Variants in FBN2 observed in about 807,000 individuals in gnomAD.
The protein encoded by FBN2 is fibrillin-2.
A neutral mutation model predicts 355.6 loss-of-function variants in FBN2; 105 were observed. The observed-to-expected ratio is 0.30, with a 90% confidence interval of 0.25 to 0.35. FBN2 has a LOEUF of 0.35. Among genes scored for constraint, FBN2 ranks in the 10% least tolerant of loss-of-function variants. The probability of loss-of-function intolerance (pLI) is 1.00; values close to 1 mark genes in which losing one functional copy is unlikely to be tolerated. For missense variants in FBN2, 3,280 were observed against 3,758.7 expected, an observed-to-expected ratio of 0.87 and a Z score of 3.33; for synonymous variants, 1,350 against 1,301.2, an observed-to-expected ratio of 1.04 and a Z score of -0.81.
At chr5:128,357,536 A>G in intron 19 of FBN2, 141 bp from the exon 20 acceptor site, 2 of 984,724 alleles carry the variant, frequency 2.0e-6, no homozygotes, top group Non-Finnish European at 3.1e-6. Context: ...CATAAAGTGA[A>G]TGGGGAATGG....
Position 128,469,823 on chromosome 5 carries a change from C to G in FBN2, c.629-4902G>C, listed in dbSNP as rs192610331. On this transcript the variant is annotated intron_variant, in intron 5 of 64. Transcript: ENST00000262464. ...CACTTATGAGGATGGCTGATGGTGT[C>G]ATTTCCTGATATACTGGTAATAGAA... 7.2e-5 allele frequency among the ~76,000 whole-genome samples: 11 copies of G among 152,272 alleles called. No individual in the cohort carries two copies. In the East Asian group the frequency reaches 1.9e-3, roughly 27 times the overall value.
At chr5:128,300,977 A>G (rs371515261) in intron 47 of FBN2, 41 bp from the exon 48 acceptor site, 171 of 1,590,482 alleles carry the variant, frequency 1.1e-4, no homozygotes, top group Non-Finnish European at 1.4e-4. Context: ...TAAGCATGAG[A>G]TAATTGTTAC....
chr5:128,325,578 CAAATCT>C (rs1360972906), intron 34 of FBN2, among the ~76,000 whole-genome samples: 6 of 152,170 alleles, frequency 3.9e-5, no homozygotes, highest in African/African-American at 1.4e-4. Context: ...ACAAATGTAG[CAAATCT>C]AAGTCTTTGT....
intron 55 of FBN2, among the ~76,000 whole-genome samples, chr5:128,283,342 C>T (rs1230926224): frequency 6.6e-6 from 1 of 152,230 alleles, no homozygotes; most frequent in Non-Finnish European, 1.5e-5. Context: ...AATTCCACTT[C>T]CTCATCACTG....
At chr5:128,322,846 A>G (rs922661430) in intron 34 of FBN2, among the ~76,000 whole-genome samples, 2 of 152,162 alleles carry the variant, frequency 1.3e-5, no homozygotes, top group Non-Finnish European at 2.9e-5. Context: ...CATTGAATCT[A>G]TAAATTACTT....
chr5:128,325,393 C>G (rs1750517008), intron 34 of FBN2, among the ~76,000 whole-genome samples: 1 of 152,184 alleles, frequency 6.6e-6, no homozygotes, highest in African/African-American at 2.4e-5. Flanking sequence ...TCTCTGTTGG[C>G]TTAAAGTCTG....
chr5:128,537,499 G>A lies in FBN2; in HGVS notation c.105C>T (p.Pro35=), dbSNP rs1291766622. ...GCGGCGGCTGGGGCCGGGGCGGCTT[G>A]GGCGGAGGAGGCTGAGGCTGGCCGG... ...GTAGQPQPPP[P]KPPRPQPPPQ... is the part of the protein sequence containing the mutation. Residue 35 remains proline, a synonymous_variant, in exon 1 of 65, where the codon CCC becomes CCT. Coordinates refer to ENST00000262464, the MANE Select transcript of FBN2 (RefSeq NM_001999.4). The A allele has an allele frequency of 6.3e-7, 1 of 1,582,624 alleles. No individual in the cohort carries two copies. The highest frequency in any genetic ancestry group is 8.6e-7 in the Non-Finnish European group (1 of 1,167,288).
At chr5:128,297,026 T>C (rs1410065119) in intron 48 of FBN2, among the ~76,000 whole-genome samples, 2 of 152,236 alleles carry the variant, frequency 1.3e-5, no homozygotes, top group Non-Finnish European at 2.9e-5. Flanking sequence ...CCAGAGATTC[T>C]GGTATGTTGT....
chr5:128,281,934 C>T lies in FBN2; in HGVS notation c.7013-1617G>A, dbSNP rs371636375. ...CTCAATCTCCTGACCTCGTGATCCG[C>T]CTGCCTCGGCCTCCCAAAGTGCTGG... is the stretch of plus-strand genomic sequence containing the variant. On this transcript the variant is annotated intron_variant, in intron 55 of 64. Transcript: ENST00000262464. Among the ~76,000 whole-genome samples, 17 of 152,252 alleles carry T rather than the reference C, an allele frequency of 1.1e-4. No individual in the cohort carries two copies. In the South Asian group the frequency reaches 3.3e-3, roughly 30 times the overall value.
chr5:128,310,402 A>ATTTT (rs199690802), intron 39 of FBN2, among the ~76,000 whole-genome samples: 1 of 23,308 alleles, frequency 4.3e-5, no homozygotes, highest in South Asian at 1.4e-3. Context: ...ATATATATAT[A>ATTTT]TTTTTTTTTT....
At position 128,538,192 on chromosome 5, in the gene FBN2, G is replaced by C. The variant is rs1313490066; in HGVS notation, c.-589C>G. The C allele has an allele frequency of 6.4e-6, 1 of 156,224 alleles. No homozygotes were observed. The highest frequency in any genetic ancestry group is 1.4e-5 in the Non-Finnish European group (1 of 70,672). 9.7% of individuals were successfully genotyped at this position (156,224 alleles called of 1,614,324 possible). On this transcript the variant is annotated 5_prime_UTR_variant, in exon 1 of 65. Coordinates refer to ENST00000262464, the MANE Select transcript of FBN2 (RefSeq NM_001999.4). ...CCGGGCGGAGGTGCGCGGGGCCGGG[G>C]CGTGCGGCCAGCAAGAGAGAGGGCG...
chr5:128,321,238 C>A (rs1338595127), intron 34 of FBN2, among the ~76,000 whole-genome samples: 1 of 152,254 alleles, frequency 6.6e-6, no homozygotes. Flanking sequence ...CCTCAGAATT[C>A]TGTGGGCATG....
chr5:128,483,504 G>GTT (rs930513604), intron 5 of FBN2, among the ~76,000 whole-genome samples: 3 of 146,490 alleles, frequency 2.0e-5, no homozygotes, highest in African/African-American at 7.5e-5. Context: ...GGTTGGCTGA[G>GTT]TTTTTTTTTT....
At chr5:128,260,784 G>A (rs1188435486) in intron 64 of FBN2, among the ~76,000 whole-genome samples, 1 of 151,814 alleles carries the variant, frequency 6.6e-6, no homozygotes, top group African/African-American at 2.4e-5. Flanking sequence ...AGATTCTGAG[G>A]CCCAAAAAAC....
At chr5:128,478,765 G>T (rs1358826803) in intron 5 of FBN2, among the ~76,000 whole-genome samples, 1 of 152,128 alleles carries the variant, frequency 6.6e-6, no homozygotes, top group Non-Finnish European at 1.5e-5. Context: ...GGATTCTGTG[G>T]TCAAATATAT....
At chr5:128,342,470 G>T (rs182601017) in intron 25 of FBN2, among the ~76,000 whole-genome samples, 33 of 152,212 alleles carry the variant, frequency 2.2e-4, no homozygotes, top group Admixed American at 2.1e-3. Flanking sequence ...TGAAAGAGAG[G>T]GGTGAGACTT....
At chr5:128,446,870 C>T (rs1002821997) in intron 6 of FBN2, among the ~76,000 whole-genome samples, 17 of 151,882 alleles carry the variant, frequency 1.1e-4, no homozygotes, top group Non-Finnish European at 2.2e-4. Context: ...AGTCAGGGAC[C>T]CCGAACGGAG....
chr5:128,358,339 G>T (rs1751556404), intron 19 of FBN2, among the ~76,000 whole-genome samples: 1 of 152,038 alleles, frequency 6.6e-6, no homozygotes, highest in Non-Finnish European at 1.5e-5. Flanking sequence ...ATCTGAAAGA[G>T]GTCAATAGTC....
intron 4 of FBN2, among the ~76,000 whole-genome samples, chr5:128,519,701 G>A (rs1411072962): frequency 6.6e-6 from 1 of 151,032 alleles, no homozygotes; most frequent in Non-Finnish European, 1.5e-5. Context: ...CTCAATTTCT[G>A]TACTACTAAC....
Sources: gnomAD v4.1 joint callset for allele counts (sites outside exome capture counted in the v4.1 genomes callset) on GRCh38, gnomAD v4.1.1 for gene constraint, MANE v1.5 for transcripts, NCBI Gene and HGNC (gene_info 2026-07-23, HGNC 2026-07-21) for gene names.